The following SOX5 variants were observed in gnomAD, a reference collection of about 807,000 sequenced individuals.
SOX5 encodes transcription factor SOX-5.
Under a neutral mutation model 92.0 loss-of-function variants are expected in SOX5, and 9 were observed. The ratio of observed to expected loss-of-function variants is 0.10; its 90% CI spans 0.06 to 0.17. The LOEUF (loss-of-function observed/expected upper bound fraction) is 0.17, where lower values mean the gene tolerates loss of function less well. Among genes scored for constraint, SOX5 ranks in the 10% least tolerant of loss-of-function variants. SOX5 has a pLI of 1.00. For missense variants in SOX5, 642 were observed against 944.5 expected (o/e 0.68, Z 4.20); for synonymous variants, 344 against 336.3 (o/e 1.02, Z -0.25).
intron 3 of SOX5, among the ~76,000 whole-genome samples, chr12:23,809,950 G>T: frequency 6.6e-6 from 1 of 151,688 alleles, no homozygotes; most frequent in East Asian, 1.9e-4. Context: ...AATAAAAGAG[G>T]ATCTAGTCAA....
chr12:24,542,303 C>T (rs928069517), intron 1 of SOX5, among the ~76,000 whole-genome samples: 2 of 152,176 alleles, frequency 1.3e-5, no homozygotes, highest in Admixed American at 1.3e-4. Flanking sequence ...CTAGTTGGCC[C>T]TTAGTGCTTT....
At chr12:23,623,227 TC>T (rs2077386171) in intron 8 of SOX5, among the ~76,000 whole-genome samples, 1 of 152,164 alleles carries the variant, frequency 6.6e-6, no homozygotes, top group African/African-American at 2.4e-5. Flanking sequence ...AAAAGAGTAC[TC>T]CTAACATATG....
chr12:23,791,737 G>A lies in SOX5; in HGVS notation c.482-36013C>T, dbSNP rs144856147. Among the ~76,000 whole-genome samples, 1,257 of 152,122 alleles carry A rather than the reference G, an allele frequency of 8.3e-3. 28 individuals are homozygous for A. Among genetic ancestry groups the A allele is most frequent in the African/African-American group, 0.029 (1,192 of 41,526 alleles). On this transcript the variant is annotated intron_variant, in intron 3 of 14. Coordinates refer to ENST00000451604, the MANE Select transcript of SOX5 (RefSeq NM_006940.6). The stretch of plus-strand genomic sequence containing the variant: ...TTACTTTGTTTATATGAATTACTGA[G>A]ACTCAGTAACTTCTAAATTGTGGTT...
chr12:24,371,929 A>AGTGAGCC (rs1271379478), intron 1 of SOX5, among the ~76,000 whole-genome samples: 1 of 152,002 alleles, frequency 6.6e-6, no homozygotes, highest in African/African-American at 2.4e-5. Context: ...TGGAGGTTGC[A>AGTGAGCC]GTGAGCCGAG....
At chr12:23,773,493 T>C (rs1258244464) in intron 3 of SOX5, among the ~76,000 whole-genome samples, 1 of 152,126 alleles carries the variant, frequency 6.6e-6, no homozygotes, top group Non-Finnish European at 1.5e-5. Context: ...TGCCTCAGCC[T>C]TCCGAGTAGC....
intron 3 of SOX5, among the ~76,000 whole-genome samples, chr12:24,230,825 A>T (rs1004842394): frequency 3.3e-5 from 5 of 152,224 alleles, no homozygotes; most frequent in Non-Finnish European, 7.3e-5. Context: ...GGTAACTTTC[A>T]TATAAATGTA....
At chr12:24,485,553 T>C (rs1946431780) in intron 1 of SOX5, among the ~76,000 whole-genome samples, 1 of 152,202 alleles carries the variant, frequency 6.6e-6, no homozygotes, top group Non-Finnish European at 1.5e-5. Flanking sequence ...ACTGGTTTTC[T>C]TTTATCTGTA....
At chr12:24,512,948 C>T (rs149866874) in intron 1 of SOX5, among the ~76,000 whole-genome samples, 104 of 152,276 alleles carry the variant, frequency 6.8e-4, no homozygotes, top group African/African-American at 2.3e-3. Flanking sequence ...GTTGCACTTA[C>T]GATTTCCAAT....
intron 1 of SOX5, among the ~76,000 whole-genome samples, chr12:24,417,590 T>C (rs1449588605): frequency 6.6e-6 from 1 of 152,190 alleles, no homozygotes; most frequent in East Asian, 1.9e-4. Flanking sequence ...AGGTGACAGA[T>C]GACTTAACTG....
chr12:24,042,231 G>A (rs1344266420), intron 4 of SOX5, among the ~76,000 whole-genome samples: 1 of 151,978 alleles, frequency 6.6e-6, no homozygotes, highest in Non-Finnish European at 1.5e-5. Flanking sequence ...ACAAGTTTTA[G>A]GTAGCCTTGG....
intron 6 of SOX5, among the ~76,000 whole-genome samples, chr12:23,693,403 G>A (rs61925678): frequency 0.19 from 28,470 of 151,880 alleles, 3,487 homozygotes; most frequent in Non-Finnish European, 0.26. Flanking sequence ...GGATTACAGG[G>A]GTGAGCCACT....
At chr12:24,042,788 TA>T (rs1380904151) in intron 4 of SOX5, among the ~76,000 whole-genome samples, 1 of 152,172 alleles carries the variant, frequency 6.6e-6, no homozygotes, top group Non-Finnish European at 1.5e-5. Flanking sequence ...TTCATTACTA[TA>T]TTCAGTCAAT....
intron 7 of SOX5, among the ~76,000 whole-genome samples, chr12:23,641,566 C>T (rs1181227780): frequency 6.6e-6 from 1 of 151,502 alleles, no homozygotes; most frequent in African/African-American, 2.4e-5. Flanking sequence ...CAAAATTAAT[C>T]CTGAAGTTTT....
At chr12:24,507,868 C>A (rs1443657719) in intron 1 of SOX5, among the ~76,000 whole-genome samples, 1 of 152,094 alleles carries the variant, frequency 6.6e-6, no homozygotes, top group East Asian at 1.9e-4. Context: ...ACCTTTCCAT[C>A]TCCTTCTGTA....
chr12:23,915,766 G>A (rs2097407808), intron 1 of SOX5, among the ~76,000 whole-genome samples: 1 of 152,296 alleles, frequency 6.6e-6, no homozygotes, highest in Non-Finnish European at 1.5e-5. Flanking sequence ...ATCAAGGACA[G>A]TAGGACATGT....
chr12:23,887,107 A>C (rs546508458), intron 2 of SOX5, among the ~76,000 whole-genome samples: 6 of 152,328 alleles, frequency 3.9e-5, no homozygotes, highest in Admixed American at 1.3e-4. Flanking sequence ...AAAACGAGTT[A>C]AAACTTAATC....
At chr12:24,109,406 TTATC>T (rs1947064816) in intron 4 of SOX5, among the ~76,000 whole-genome samples, 2 of 150,214 alleles carry the variant, frequency 1.3e-5, no homozygotes, top group Admixed American at 6.8e-5. Context: ...ATATTTATCT[TTATC>T]TAAGTTTAAA....
At chr12:23,941,986 A>G (rs1943738450) in intron 1 of SOX5, among the ~76,000 whole-genome samples, 1 of 151,644 alleles carries the variant, frequency 6.6e-6, no homozygotes, top group Non-Finnish European at 1.5e-5. Context: ...GTGAAAAAAA[A>G]GTCTTTGGAC....
At chr12:24,554,687 C>T (rs528497319) in intron 1 of SOX5, among the ~76,000 whole-genome samples, 17 of 152,226 alleles carry the variant, frequency 1.1e-4, no homozygotes, top group African/African-American at 2.2e-4. Flanking sequence ...GCTAAGTGGG[C>T]GTCTTCTTGT....
Sources: gnomAD v4.1 joint callset for allele counts (sites outside exome capture counted in the v4.1 genomes callset) on GRCh38, gnomAD v4.1.1 for gene constraint, MANE v1.5 for transcripts, NCBI Gene and HGNC (gene_info 2026-07-23, HGNC 2026-07-21) for gene names.